Variants in ELP3 observed in about 807,000 individuals in gnomAD.
ELP3 encodes the protein elongator acetyltransferase complex subunit 3.
Under a neutral mutation model 74.9 loss-of-function variants are expected in ELP3, and 56 were observed. The ratio of observed to expected loss-of-function variants is 0.75; its 90% CI spans 0.60 to 0.93. The LOEUF (loss-of-function observed/expected upper bound fraction) is 0.93, where lower values mean the gene tolerates loss of function less well. ELP3 is among the 40% of genes least tolerant of loss of function. The pLI, the probability that ELP3 is intolerant of heterozygous loss-of-function variation, is 0.00. For missense variants in ELP3, 573 were observed against 686.5 expected (o/e 0.83, Z 1.85); for synonymous variants, 222 against 239.8 (o/e 0.93, Z 0.68).
At position 28,119,452 on chromosome 8, in the gene ELP3, A is replaced by G. The variant is rs1294880363; in HGVS notation, c.617+6279A>G. 2.6e-5 allele frequency among the ~76,000 whole-genome samples: 4 copies of G among 151,416 alleles called. 1 individual carries two copies. The East Asian group carries it at 7.8e-4, about 29-fold the overall frequency. On this transcript the variant is annotated intron_variant, in intron 7 of 14. Coordinates refer to ENST00000256398, the MANE Select transcript of ELP3 (RefSeq NM_018091.6). The stretch of plus-strand genomic sequence containing the variant: ...TTTGATGAATTTCATAGTAAGTTGT[A>G]TGCTTCAGTACACTTCTCCCGGGAT...
Position 28,147,787 on chromosome 8 carries a change from G to GA in ELP3, c.1101-8150dup, listed in dbSNP as rs1235038131. On this transcript the variant is annotated intron_variant, in intron 10 of 14. Coordinates refer to ENST00000256398, the MANE Select transcript of ELP3 (RefSeq NM_018091.6). The surrounding 1 kb of genome is among the most constrained non-coding windows in gnomAD (Gnocchi z 4.5). ...CTCCACTAAAAGAAATCAGTGCTTA[G>GA]AAAAATGGCCATTTCCAGGGCTGGG... Among the ~76,000 whole-genome samples, 1 of 152,012 alleles carries GA rather than the reference G, an allele frequency of 6.6e-6. No individual in the cohort carries two copies. The highest frequency in any genetic ancestry group is 1.5e-5 in the Non-Finnish European group (1 of 67,972).
At chr8:28,142,390 CAT>C (rs1173183520) in intron 10 of ELP3, among the ~76,000 whole-genome samples, 3 of 152,182 alleles carry the variant, frequency 2.0e-5, no homozygotes, top group East Asian at 3.8e-4. Flanking sequence ...CCAACTGTCA[CAT>C]ATGTTTCTCT....
At chr8:28,174,518 A>G (rs1229330053) in intron 14 of ELP3, among the ~76,000 whole-genome samples, 4 of 152,138 alleles carry the variant, frequency 2.6e-5, no homozygotes, top group Non-Finnish European at 5.9e-5. Flanking sequence ...TTTTAATAGT[A>G]TGCAAACACT....
chr8:28,138,513 C>T (rs1002647389), intron 10 of ELP3, among the ~76,000 whole-genome samples: 5 of 152,128 alleles, frequency 3.3e-5, no homozygotes, highest in Non-Finnish European at 7.3e-5. Flanking sequence ...TAAAGTTACC[C>T]GTATACCTAC....
At chr8:28,186,716 G>T (rs932126168) in intron 14 of ELP3, among the ~76,000 whole-genome samples, 3 of 152,140 alleles carry the variant, frequency 2.0e-5, no homozygotes, top group African/African-American at 4.8e-5. Flanking sequence ...CAGTGGTAGG[G>T]CTGCATGTGC....
At chr8:28,169,939 G>A (rs1563285865) in intron 14 of ELP3, among the ~76,000 whole-genome samples, 2 of 152,164 alleles carry the variant, frequency 1.3e-5, no homozygotes, top group African/African-American at 4.8e-5. Context: ...GTCACATGAT[G>A]TGACAGCTTG....
rs555755479 is a variant in ELP3 at position 28,161,150 on chromosome 8, C to T, written c.1485+694C>T. On this transcript the variant is annotated intron_variant, in intron 13 of 14. Transcript: ENST00000256398. ...TATACATAGGGGAACCCTATTCTAA[C>T]CCCAGACAACCTACCTTAATAGCTC... is the stretch of plus-strand genomic sequence containing the variant. Among the ~76,000 whole-genome samples the T allele has an allele frequency of 2.0e-5, 3 of 152,318 alleles. No homozygotes were observed. The East Asian group carries it at 5.8e-4, about 29-fold the overall frequency.
intron 14 of ELP3, among the ~76,000 whole-genome samples, chr8:28,163,368 GGTT>G (rs1171108845): frequency 6.6e-6 from 1 of 151,826 alleles, no homozygotes. Flanking sequence ...GTTGAAATGA[GGTT>G]TTTTAAAAAA....
intron 7 of ELP3, among the ~76,000 whole-genome samples, 176 bp downstream of exon 7, chr8:28,113,349 T>C (rs1214817045): frequency 6.8e-6 from 1 of 147,168 alleles, no homozygotes; most frequent in Non-Finnish European, 1.5e-5. Context: ...AATAATCTTT[T>C]CCAGTGAAAA....
chr8:28,110,275 C>A (rs956690450), intron 5 of ELP3, 95 bp from the exon 6 acceptor site: 10 of 1,088,218 alleles, frequency 9.2e-6, no homozygotes, highest in African/African-American at 1.6e-5. Context: ...TTTCAGTGTT[C>A]GGAACCATGG....
At chr8:28,105,093 C>T (rs1162945340) in intron 3 of ELP3, among the ~76,000 whole-genome samples, 4 of 152,084 alleles carry the variant, frequency 2.6e-5, no homozygotes, top group Non-Finnish European at 4.4e-5. Flanking sequence ...TAAAATGTTC[C>T]AGGCTTGGCC....
At chr8:28,103,943 G>A (rs1297904181) in intron 3 of ELP3, among the ~76,000 whole-genome samples, 1 of 152,180 alleles carries the variant, frequency 6.6e-6, no homozygotes, top group Non-Finnish European at 1.5e-5. Context: ...TACCTAGGAT[G>A]GTCTTGAGCT....
At position 28,106,701 on chromosome 8, in the gene ELP3, T is replaced by A. The variant is rs376403833; in HGVS notation, c.259-12T>A. ...TCCTATAATAGCTTTTTTATTCATCTTTCTTTTATAGATTGCTGTCGTGGC... is the reference window on the plus strand; with the variant it reads ...TCCTATAATAGCTTTTTTATTCATCATTCTTTTATAGATTGCTGTCGTGGC... On this transcript the variant is annotated splice_polypyrimidine_tract_variant and intron_variant, in intron 3 of 14. Transcript: ENST00000256398. The A allele has an allele frequency of 8.7e-6, 14 of 1,610,128 alleles. No homozygotes were observed. In the African/African-American group the frequency reaches 1.7e-4, roughly 20 times the overall value.
intron 4 of ELP3, among the ~76,000 whole-genome samples, chr8:28,107,376 TA>T (rs1280676645): frequency 6.6e-6 from 1 of 152,250 alleles, no homozygotes; most frequent in Non-Finnish European, 1.5e-5. Flanking sequence ...CACATTCTGT[TA>T]AACTCATAAA....
chr8:28,169,666 C>T lies in ELP3; in HGVS notation c.1567+7588C>T, dbSNP rs539590552. Among the ~76,000 whole-genome samples, 3 of 152,290 alleles carry T rather than the reference C, an allele frequency of 2.0e-5. No individual in the cohort carries two copies. The East Asian group carries it at 5.8e-4, about 29-fold the overall frequency. The stretch of plus-strand genomic sequence containing the variant: ...TTACCCAAAAACTTAATGGCTGAAA[C>T]AACAAGCATTTTTTATCTCATGGTT... On this transcript the variant is annotated intron_variant, in intron 14 of 14. Transcript: ENST00000256398.
At chr8:28,092,516 G>A (rs1382112275), upstream of ELP3, among the ~76,000 whole-genome samples, 1 of 152,172 alleles carries the variant, frequency 6.6e-6, no homozygotes, top group East Asian at 1.9e-4. Flanking sequence ...AGTATTACAT[G>A]TGTGAGCCAC....
chr8:28,189,824 G>A lies in ELP3; in HGVS notation c.*99G>A. 7.6e-7 allele frequency: 1 copy of A among 1,308,616 alleles called. No homozygotes were observed. The highest frequency in any genetic ancestry group is 1.8e-5 in the Admixed American group (1 of 55,660). 81.1% of individuals were successfully genotyped at this position (1,308,616 alleles called of 1,614,324 possible). ...AACAGAGAGGCTGAGCAGAGCAAAT[G>A]GGGGGCTTCACCCTCATCCCGCAGC... On this transcript the variant is annotated 3_prime_UTR_variant, in exon 15 of 15. Coordinates refer to ENST00000256398, the MANE Select transcript of ELP3 (RefSeq NM_018091.6).
chr8:28,175,667 C>A (rs1283901442), intron 14 of ELP3, among the ~76,000 whole-genome samples: 1 of 152,100 alleles, frequency 6.6e-6, no homozygotes, highest in African/African-American at 2.4e-5. Flanking sequence ...ATGAGCCATT[C>A]TTCCCTGTTC....
intron 14 of ELP3, among the ~76,000 whole-genome samples, chr8:28,184,167 T>C (rs1815138931): frequency 6.6e-6 from 1 of 152,134 alleles, no homozygotes; most frequent in Non-Finnish European, 1.5e-5. Context: ...GAAATTTTTC[T>C]TTCAAAAAAC....
Sources: allele counts gnomAD v4.1 joint callset (sites outside exome capture counted in the v4.1 genomes callset), GRCh38; gene constraint gnomAD v4.1.1; non-coding constraint Gnocchi (gnomAD v3.1); transcripts MANE v1.5; gene names NCBI Gene and HGNC (gene_info 2026-07-23, HGNC 2026-07-21).